The following HMCN2 variants were observed in gnomAD, a reference collection of about 807,000 sequenced individuals.
HMCN2 encodes hemicentin-2.
HMCN2 carries 325 observed loss-of-function variants against 377.5 expected under a neutral mutation model. The ratio of observed to expected loss-of-function variants is 0.86; its 90% CI spans 0.79 to 0.94. The LOEUF is 0.94. Among genes scored for constraint, HMCN2 ranks in the 40% least tolerant of loss-of-function variants. HMCN2 has a pLI of 0.00. For missense variants in HMCN2, 4,543 were observed against 4,725.3 expected, an observed-to-expected ratio of 0.96 and a Z score of 1.13; for synonymous variants, 2,007 against 2,046.8, an observed-to-expected ratio of 0.98 and a Z score of 0.53.
At chr9:130,409,304 G>A (rs1429009011) in intron 84 of HMCN2, among the ~76,000 whole-genome samples, 2 of 152,206 alleles carry the variant, frequency 1.3e-5, no homozygotes, top group Admixed American at 6.5e-5. Flanking sequence ...ATTTACAGAC[G>A]AAGACACTGA....
chr9:130,408,935 C>T lies in HMCN2; in HGVS notation c.12879+2C>T. On this transcript the variant is annotated splice_donor_variant, in intron 84 of 97. Coordinates refer to ENST00000683500, the MANE Select transcript of HMCN2 (RefSeq NM_001291815.2). LOFTEE classifies it low-confidence loss of function (GC_TO_GT_DONOR). ...TCGCTGACCATCCGCAGGACTGAGG[C>T]AAGGCGGGGCCTGGCACCTTGGGTG... 5 of 1,287,566 alleles carry T rather than the reference C, an allele frequency of 3.9e-6. No individual in the cohort carries two copies. The highest frequency in any genetic ancestry group is 1.2e-5 in the South Asian group (1 of 80,782). 79.8% of individuals were successfully genotyped at this position (1,287,566 alleles called of 1,614,324 possible).
chr9:130,432,609 T>C (rs1844829141), intron 97 of HMCN2, 54 bp downstream of exon 97: 1 of 1,525,840 alleles, frequency 6.6e-7, no homozygotes, highest in Admixed American at 2.0e-5. Context: ...CATTTTTCAG[T>C]CACTGGGGGT....
At chr9:130,432,008 C>T (rs1844788053) in intron 96 of HMCN2, among the ~76,000 whole-genome samples, 1 of 152,260 alleles carries the variant, frequency 6.6e-6, no homozygotes, top group Non-Finnish European at 1.5e-5. Context: ...CCTGCCCTGC[C>T]TGTCTCTGTC....
At position 130,362,028 on chromosome 9, in the gene HMCN2, C is replaced by T; in HGVS notation, c.5971C>T (p.Pro1991Ser). The change falls in exon 39 of 98, where the codon CCA becomes TCA. Residue 1991 changes from proline (P) to serine (S), a missense_variant. Physicochemically the swap from Pro to Ser is moderately conservative, Grantham distance 74 (BLOSUM62 -1). Around this residue, in one of 5 missense-constraint regions of HMCN2, gnomAD observed 1,032 missense variants for 1,285.1 expected, o/e 0.80. Transcript: ENST00000683500. ...RVNVPPRITL[P>S]PSLPGPVLVN... ...TGCAGTGCCCCCTCGAATCACACTG[C>T]CACCCAGCCTGCCAGGCCCTGTGTT... 1.0e-6 allele frequency: 1 copy of T among 986,140 alleles called. No individual in the cohort carries two copies. The highest frequency in any genetic ancestry group is 1.2e-6 in the Non-Finnish European group (1 of 830,146). The allele number at this position is 986,140 out of a possible 1,614,324, so 61.1% of individuals were successfully genotyped here.
Position 130,428,648 on chromosome 9 carries a change from G to T in HMCN2, c.14197+159G>T, listed in dbSNP as rs949250855. 6.6e-6 allele frequency among the ~76,000 whole-genome samples: 1 copy of T among 152,184 alleles called. No individual in the cohort carries two copies. Among genetic ancestry groups the T allele is most frequent in the Non-Finnish European group, 1.5e-5 (1 of 68,030 alleles). The stretch of plus-strand genomic sequence containing the variant: ...CAGCAAGGCTGGGGACAAAGCCTGC[G>T]CCAGGCTCTGGAGGTCTGAGCCCTC... On this transcript the variant is annotated intron_variant, in intron 93 of 97. Coordinates refer to ENST00000683500, the MANE Select transcript of HMCN2 (RefSeq NM_001291815.2). The surrounding 1 kb of genome is among the most constrained non-coding windows in gnomAD (Gnocchi z 5.0).
chr9:130,391,690 C>T (rs1348204992), intron 65 of HMCN2, 116 bp downstream of exon 65: 2 of 907,224 alleles, frequency 2.2e-6, no homozygotes, highest in Non-Finnish European at 2.6e-6. Context: ...TTCCCTGGGC[C>T]TCCATGGCCC....
chr9:130,383,886 A>G (rs533143055), intron 57 of HMCN2, among the ~76,000 whole-genome samples: 44 of 152,164 alleles, frequency 2.9e-4, no homozygotes, highest in African/African-American at 1.0e-3. Context: ...CCCTGGGCTG[A>G]CTCCTTCCAG....
intron 47 of HMCN2, 24 bp downstream of exon 47, chr9:130,372,431 G>A: frequency 1.1e-6 from 1 of 929,368 alleles, no homozygotes; most frequent in Non-Finnish European, 1.3e-6. Context: ...CCATTCTCAT[G>A]GGTGCCCTAT....
chr9:130,310,356 T>C (rs995777686), intron 15 of HMCN2, among the ~76,000 whole-genome samples: 2 of 152,218 alleles, frequency 1.3e-5, no homozygotes, highest in Non-Finnish European at 2.9e-5. Flanking sequence ...TCAGGGTCCA[T>C]CCTGAGATTG....
intron 19 of HMCN2, among the ~76,000 whole-genome samples, chr9:130,323,132 T>C (rs2131407989): frequency 1.3e-5 from 2 of 152,332 alleles, no homozygotes; most frequent in South Asian, 4.1e-4. Flanking sequence ...AACTTCCCAC[T>C]GTGCCCTCAC....
chr9:130,431,861 GCA>G (rs1469666915), intron 96 of HMCN2, among the ~76,000 whole-genome samples: 1 of 152,248 alleles, frequency 6.6e-6, no homozygotes, highest in Non-Finnish European at 1.5e-5. Flanking sequence ...TGGAGGTTGA[GCA>G]CAGAGCCGCA....
intron 4 of HMCN2, among the ~76,000 whole-genome samples, chr9:130,289,552 G>A (rs1835626913): frequency 6.6e-6 from 1 of 152,066 alleles, no homozygotes; most frequent in Admixed American, 6.5e-5. Context: ...ACCTCTCTGG[G>A]CCACACTTTC....
chr9:130,327,512 A>G (rs1244183908), intron 22 of HMCN2, 37 bp downstream of exon 22: 1 of 152,290 alleles, frequency 6.6e-6, no homozygotes, highest in Non-Finnish European at 1.5e-5. Flanking sequence ...GACAGAGCTT[A>G]GGGCTGGAGG....
At chr9:130,336,740 G>T (rs1009180406) in intron 22 of HMCN2, among the ~76,000 whole-genome samples, 21 of 152,190 alleles carry the variant, frequency 1.4e-4, no homozygotes, top group Non-Finnish European at 4.4e-5. Flanking sequence ...TGCAGATGGG[G>T]AGACAGAGTT....
In HMCN2 at chr9:130,303,739, G is replaced by A. The variant is rs989584925; in HGVS notation, c.1543+131G>A. On this transcript the variant is annotated intron_variant, in intron 10 of 97. Coordinates refer to ENST00000683500, the MANE Select transcript of HMCN2 (RefSeq NM_001291815.2). The surrounding 1 kb of genome is among the most constrained non-coding windows in gnomAD (Gnocchi z 5.2). ...TCGTCATGCCGGGTCTGGCTGCCCA[G>A]GCTGCCACCTGCCTGCTGCCCCTCA... The A allele has an allele frequency of 1.2e-4, 24 of 199,996 alleles. No individual in the cohort carries two copies. The highest frequency in any genetic ancestry group is 2.4e-4 in the Non-Finnish European group (22 of 91,044). 12.4% of individuals were successfully genotyped at this position (199,996 alleles called of 1,614,324 possible). A position where few individuals can be genotyped will look rare whatever the true frequency, so the allele number is the denominator to read the frequency against.
chr9:130,351,412 C>T lies in HMCN2; in HGVS notation c.4431-11C>T, dbSNP rs1001024909. 1.9e-5 allele frequency: 24 copies of T among 1,296,636 alleles called. No homozygotes were observed. The highest frequency in any genetic ancestry group is 1.7e-4 in the African/African-American group (11 of 65,652). The allele number at this position is 1,296,636 out of a possible 1,614,324, so 80.3% of individuals were successfully genotyped here. A position where few individuals can be genotyped will look rare whatever the true frequency, so the allele number is the denominator to read the frequency against. On this transcript the variant is annotated splice_polypyrimidine_tract_variant and intron_variant, in intron 29 of 97. Coordinates refer to ENST00000683500, the MANE Select transcript of HMCN2 (RefSeq NM_001291815.2). The surrounding 1 kb of genome is among the most constrained non-coding windows in gnomAD (Gnocchi z 5.4). Reference sequence around the variant, plus strand: ...GCCTTACTGGCGCTTTTCCCTTGCCCGTCTCTCCAGGCCTGTCCTTCCGGG... The same window carrying T: ...GCCTTACTGGCGCTTTTCCCTTGCCTGTCTCTCCAGGCCTGTCCTTCCGGG...
chr9:130,382,634 CAGGGACCTGTG>C, intron 55 of HMCN2, 34 bp from the exon 56 acceptor site: 1 of 747,492 alleles, frequency 1.3e-6, no homozygotes, highest in Non-Finnish European at 1.6e-6. Flanking sequence ...CCCCCGCCCC[CAGGGACCTGTG>C]CCAGCCCCTC....
At position 130,423,192 on chromosome 9, in the gene HMCN2, A is replaced by C. The variant is rs75834324; in HGVS notation, c.13381+466A>C. ...GCCTAGAAAACCTAGAGGACTAAGA[A>C]GAGTCACCTGCACACAGAGCTCTCA... On this transcript the variant is annotated intron_variant, in intron 87 of 97. Coordinates refer to ENST00000683500, the MANE Select transcript of HMCN2 (RefSeq NM_001291815.2). This position sits in a 1 kb window ranked among gnomAD's most constrained non-coding sequence, Gnocchi z 5.5. 1.5e-3 allele frequency among the ~76,000 whole-genome samples: 222 copies of C among 152,302 alleles called. No individual in the cohort carries two copies. The highest frequency in any genetic ancestry group is 5.2e-3 in the African/African-American group (216 of 41,558).
chr9:130,429,836 G>A, intron 94 of HMCN2, 151 bp downstream of exon 94: 1 of 1,375,322 alleles, frequency 7.3e-7, no homozygotes. Flanking sequence ...AGGCGCCAGT[G>A]CTGTTGAGTT....
Sources: allele counts gnomAD v4.1 joint callset (sites outside exome capture counted in the v4.1 genomes callset), GRCh38; gene constraint gnomAD v4.1.1; regional missense constraint gnomAD v4.1.1; non-coding constraint Gnocchi (gnomAD v3.1); transcripts MANE v1.5; gene names NCBI Gene and HGNC (gene_info 2026-07-23, HGNC 2026-07-21).